TNKS: variants seen among roughly 807,000 people sequenced by gnomAD.
The protein encoded by TNKS is poly [ADP-ribose] polymerase tankyrase-1.
Under a neutral mutation model 135.8 loss-of-function variants are expected in TNKS, and 72 were observed. The ratio of observed to expected loss-of-function variants is 0.53; its 90% CI spans 0.44 to 0.64. The LOEUF is 0.64. TNKS is among the 30% of genes least tolerant of loss of function. The pLI is 0.00. For synonymous variants in TNKS, 849 were observed against 649.3 expected, an observed-to-expected ratio of 1.31 and a Z score of -4.68; for missense variants, 1,769 against 1,674.0, an observed-to-expected ratio of 1.06 and a Z score of -0.99.
chr8:9,606,273 A>G (rs150139619), intron 2 of TNKS, among the ~76,000 whole-genome samples: 64 of 150,586 alleles, frequency 4.3e-4, no homozygotes, highest in African/African-American at 1.4e-3. Context: ...TTGACTCCCT[A>G]TATGTTGCTT....
intron 3 of TNKS, among the ~76,000 whole-genome samples, chr8:9,659,141 C>T (rs1386422395): frequency 1.3e-5 from 2 of 152,162 alleles, no homozygotes; most frequent in Non-Finnish European, 2.9e-5. Context: ...TAATGGGAGA[C>T]TTTAACACCC....
Position 9,752,591 on chromosome 8 carries a change from C to G in TNKS, c.3118C>G (p.Leu1040Val). Residue 1040 changes from leucine (L) to valine (V), a missense_variant, in exon 20 of 27, where the codon CTT becomes GTT. Around this residue, in one of 5 missense-constraint regions of TNKS, gnomAD observed 722 missense variants for 688.9 expected, o/e 1.05. Transcript: ENST00000310430. ...CAGCCAATTTCTAAAAAGCCTTGGC[C>G]TTGAACACCTTCGGGATATCTTTGA... Reference protein sequence around the residue: ...NISQFLKSLGLEHLRDIFETE... With the variant: ...NISQFLKSLGVEHLRDIFETE... The G allele has an allele frequency of 6.2e-7, 1 of 1,613,162 alleles. No homozygotes were observed. The highest frequency in any genetic ancestry group is 8.5e-7 in the Non-Finnish European group (1 of 1,179,508).
chr8:9,725,829 A>C (rs964500378), intron 12 of TNKS, among the ~76,000 whole-genome samples: 1 of 152,218 alleles, frequency 6.6e-6, no homozygotes, highest in South Asian at 2.1e-4. Context: ...ATTTGGGTCA[A>C]TGTGAAATGA....
chr8:9,611,518 A>T (rs4579533), intron 2 of TNKS, among the ~76,000 whole-genome samples: 1 of 152,008 alleles, frequency 6.6e-6, no homozygotes, highest in Non-Finnish European at 1.5e-5. Context: ...TTTACAAGAT[A>T]AATTTCTAAT....
At chr8:9,595,305 C>T (rs1798738294) in intron 2 of TNKS, among the ~76,000 whole-genome samples, 2 of 151,962 alleles carry the variant, frequency 1.3e-5, no homozygotes, top group Admixed American at 6.6e-5. Context: ...CTCAGTGTAG[C>T]ATTTTCATAA....
chr8:9,729,976 T>C (rs1585386538), intron 13 of TNKS, among the ~76,000 whole-genome samples: 2 of 152,112 alleles, frequency 1.3e-5, no homozygotes, highest in South Asian at 4.2e-4. Flanking sequence ...GAGGTTTCAC[T>C]ATGTTGGCCA....
intron 3 of TNKS, among the ~76,000 whole-genome samples, chr8:9,617,160 AAG>A (rs1799674791): frequency 6.6e-6 from 1 of 152,264 alleles, no homozygotes; most frequent in Non-Finnish European, 1.5e-5. Flanking sequence ...AGTTATTAAC[AAG>A]AAACTATATC....
chr8:9,761,908 C>A (rs549073409), intron 21 of TNKS, among the ~76,000 whole-genome samples: 1 of 152,186 alleles, frequency 6.6e-6, no homozygotes, highest in African/African-American at 2.4e-5. Context: ...TGATCCAAGC[C>A]ACCATTCTCT....
In TNKS at chr8:9,777,111, A is replaced by G. The variant is rs1404685057; in HGVS notation, c.*375A>G. Reference sequence around the variant, plus strand: ...TTGTTTTGTTATGCATGACGTGTCTATAACAAATATACACATACGACAGGC... The same window carrying G: ...TTGTTTTGTTATGCATGACGTGTCTGTAACAAATATACACATACGACAGGC... On this transcript the variant is annotated 3_prime_UTR_variant, in exon 27 of 27. Coordinates refer to ENST00000310430, the MANE Select transcript of TNKS (RefSeq NM_003747.3). 5.0e-6 allele frequency: 1 copy of G among 199,782 alleles called. No individual in the cohort carries two copies. Among genetic ancestry groups the G allele is most frequent in the Non-Finnish European group, 1.0e-5 (1 of 95,870 alleles). The allele number at this position is 199,782 out of a possible 1,614,324, so 12.4% of individuals were successfully genotyped here. A position where few individuals can be genotyped will look rare whatever the true frequency, so the allele number is the denominator to read the frequency against.
chr8:9,618,106 C>T (rs1236966818), intron 3 of TNKS, among the ~76,000 whole-genome samples: 2 of 151,682 alleles, frequency 1.3e-5, no homozygotes, highest in Non-Finnish European at 2.9e-5. Flanking sequence ...TCTGCCTCAG[C>T]CTCCCGAGTA....
chr8:9,772,860 T>TG (rs59189368), intron 26 of TNKS, among the ~76,000 whole-genome samples: 1 of 122,350 alleles, frequency 8.2e-6, no homozygotes, highest in Admixed American at 8.6e-5. Flanking sequence ...TGTGTGTGTG[T>TG]AGTGCGTATG....
intron 5 of TNKS, among the ~76,000 whole-genome samples, chr8:9,687,630 C>T (rs560042718): frequency 2.0e-5 from 3 of 152,078 alleles, no homozygotes; most frequent in Admixed American, 6.6e-5. Flanking sequence ...AGAAGGGGAC[C>T]GACCACAGTG....
At position 9,752,524 on chromosome 8, in the gene TNKS, T is replaced by A; in HGVS notation, c.3071-20T>A. On this transcript the variant is annotated intron_variant, in intron 19 of 26. Transcript: ENST00000310430. ...TTTAGAGAATTCTTTCTGAGAATCT[T>A]TAATATGTTTCTGTTTTAGTTGCTG... is the stretch of plus-strand genomic sequence containing the variant. 1 of 1,586,930 alleles carries A rather than the reference T, an allele frequency of 6.3e-7. No individual in the cohort carries two copies. Among genetic ancestry groups the A allele is most frequent in the Non-Finnish European group, 8.6e-7 (1 of 1,159,516 alleles).
rs537007969 is a variant in TNKS at position 9,666,262 on chromosome 8, A to G, written c.995-13689A>G. On this transcript the variant is annotated intron_variant, in intron 3 of 26. Coordinates refer to ENST00000310430, the MANE Select transcript of TNKS (RefSeq NM_003747.3). Reference sequence around the variant, plus strand: ...TATAGTAGGGTAAATAAAACGTGCTATTAAAACTCATGTCTTTTTTAAACA... The same window carrying G: ...TATAGTAGGGTAAATAAAACGTGCTGTTAAAACTCATGTCTTTTTTAAACA... Among the ~76,000 whole-genome samples the G allele has an allele frequency of 9.2e-5, 14 of 152,348 alleles. No individual in the cohort carries two copies. In the South Asian group the frequency reaches 2.9e-3, roughly 32 times the overall value.
chr8:9,633,542 C>G (rs555888158), intron 3 of TNKS, among the ~76,000 whole-genome samples: 34 of 152,294 alleles, frequency 2.2e-4, no homozygotes, highest in African/African-American at 7.2e-4. Context: ...CAACCTGTCT[C>G]CTAGTATTCA....
intron 1 of TNKS, among the ~76,000 whole-genome samples, chr8:9,563,790 C>G (rs1440819799): frequency 1.3e-5 from 2 of 151,886 alleles, no homozygotes; most frequent in African/African-American, 4.8e-5. Context: ...GCATTTTTTT[C>G]TGTTAGGTAT....
intron 20 of TNKS, among the ~76,000 whole-genome samples, chr8:9,760,187 T>G (rs992822456): frequency 2.0e-5 from 3 of 152,206 alleles, no homozygotes; most frequent in Non-Finnish European, 4.4e-5. Context: ...TGTGAACTAT[T>G]CCATCTCAAA....
Position 9,659,133 on chromosome 8 carries a change from A to G in TNKS, c.995-20818A>G, listed in dbSNP as rs377394306. ...AGACATAGACTCCCACACAATAATA[A>G]TGGGAGACTTTAACACCCCACTGTC... is the stretch of plus-strand genomic sequence containing the variant. On this transcript the variant is annotated intron_variant, in intron 3 of 26. Transcript: ENST00000310430. Among the ~76,000 whole-genome samples the G allele has an allele frequency of 5.9e-5, 9 of 152,306 alleles. No individual in the cohort carries two copies. The South Asian group carries it at 1.9e-3, about 32-fold the overall frequency.
At chr8:9,669,942 A>G (rs1802193602) in intron 3 of TNKS, among the ~76,000 whole-genome samples, 1 of 152,186 alleles carries the variant, frequency 6.6e-6, no homozygotes, top group Non-Finnish European at 1.5e-5. Flanking sequence ...TGTCTAGAAA[A>G]CCAGTTTGCT....
Sources: gnomAD v4.1 joint callset for allele counts (sites outside exome capture counted in the v4.1 genomes callset) on GRCh38, gnomAD v4.1.1 for gene constraint, gnomAD v4.1.1 regional missense constraint, MANE v1.5 for transcripts, NCBI Gene and HGNC (gene_info 2026-07-23, HGNC 2026-07-21) for gene names.